The following GALNT12 variants were observed in gnomAD, a reference collection of about 807,000 sequenced individuals.
GALNT12 encodes UDP-GalNAc:polypeptide N-acetylgalactosaminyltransferase 12.
In GALNT12, 45 loss-of-function variants were observed where a neutral mutation model predicts 55.5. The observed-to-expected ratio is 0.81, with a 90% CI of 0.64 to 1.04. The LOEUF (loss-of-function observed/expected upper bound fraction) is 1.04. Among genes scored for constraint, GALNT12 ranks in the 50% least tolerant of loss-of-function variants. GALNT12 has a pLI of 0.00. For missense variants in GALNT12, 709 were observed against 754.8 expected, an observed-to-expected ratio of 0.94 and a Z score of 0.71; for synonymous variants, 304 against 312.2, an observed-to-expected ratio of 0.97 and a Z score of 0.28.
At chr9:98,844,268 T>C (rs1836363578) in intron 8 of GALNT12, 59 bp downstream of exon 8, 2 of 1,123,448 alleles carry the variant, frequency 1.8e-6, no homozygotes, top group South Asian at 1.3e-5. Context: ...AATTAAATAG[T>C]TGAATTTTTT....
At chr9:98,824,273 A>T (rs1425962048) in intron 2 of GALNT12, among the ~76,000 whole-genome samples, 3 of 152,062 alleles carry the variant, frequency 2.0e-5, no homozygotes, top group African/African-American at 7.2e-5. Flanking sequence ...TCCTTGGTGG[A>T]TGGGGCCTCA....
chr9:98,817,325 C>T (rs1239040628), intron 1 of GALNT12, among the ~76,000 whole-genome samples: 2 of 152,190 alleles, frequency 1.3e-5, no homozygotes, highest in Non-Finnish European at 2.9e-5. Context: ...TCTAGCTTTT[C>T]TATGCATCTT....
intron 1 of GALNT12, among the ~76,000 whole-genome samples, chr9:98,811,817 G>C (rs917555468): frequency 2.6e-5 from 4 of 151,822 alleles, no homozygotes; most frequent in Admixed American, 1.3e-4. Flanking sequence ...CGAGTAGCTG[G>C]GATTATAGGC....
At chr9:98,820,299 A>G (rs1835707873) in intron 1 of GALNT12, among the ~76,000 whole-genome samples, 1 of 151,920 alleles carries the variant, frequency 6.6e-6, no homozygotes, top group Non-Finnish European at 1.5e-5. Flanking sequence ...CCATGTGTCC[A>G]TGTGTTCTCA....
At chr9:98,810,496 C>A (rs376275803) in intron 1 of GALNT12, among the ~76,000 whole-genome samples, 5 of 152,174 alleles carry the variant, frequency 3.3e-5, no homozygotes, top group Non-Finnish European at 7.4e-5. Context: ...AAATGAAAAT[C>A]CCCAATAAAC....
At position 98,829,884 on chromosome 9, in the gene GALNT12, C is replaced by T. The variant is rs182869806; in HGVS notation, c.732-1888C>T. On this transcript the variant is annotated intron_variant, in intron 3 of 9. Coordinates refer to ENST00000375011, the MANE Select transcript of GALNT12 (RefSeq NM_024642.5). Reference sequence around the variant, plus strand: ...TTATCCATTCATCTGTTGATGGACACTTCGGTTGCTTCCCAATCTTGGTTA... The same window carrying T: ...TTATCCATTCATCTGTTGATGGACATTTCGGTTGCTTCCCAATCTTGGTTA... 1.5e-3 allele frequency among the ~76,000 whole-genome samples: 232 copies of T among 152,302 alleles called. 1 individual carries two copies. Among genetic ancestry groups the T allele is most frequent in the African/African-American group, 5.2e-3 (217 of 41,560 alleles).
At chr9:98,848,804 C>T in intron 9 of GALNT12, 148 bp from the exon 10 acceptor site, 3 of 910,928 alleles carry the variant, frequency 3.3e-6, no homozygotes, top group Non-Finnish European at 5.1e-6. Flanking sequence ...CCGGGACAGT[C>T]CTGAGTTGCT....
intron 2 of GALNT12, among the ~76,000 whole-genome samples, chr9:98,823,764 C>T (rs985354327): frequency 6.6e-6 from 1 of 152,186 alleles, no homozygotes; most frequent in Non-Finnish European, 1.5e-5. Flanking sequence ...TGATGGGGAG[C>T]TTTGCAGACA....
intron 1 of GALNT12, among the ~76,000 whole-genome samples, chr9:98,814,565 C>A (rs1241311391): frequency 6.6e-6 from 1 of 151,848 alleles, no homozygotes; most frequent in Non-Finnish European, 1.5e-5. Flanking sequence ...CAAAAATTAG[C>A]CAGGCATGGT....
chr9:98,819,239 G>T (rs1213410714), intron 1 of GALNT12, among the ~76,000 whole-genome samples: 3 of 152,214 alleles, frequency 2.0e-5, no homozygotes, highest in African/African-American at 7.2e-5. Context: ...CTCTGTCTAA[G>T]AGATGGAGCC....
chr9:98,839,928 G>A lies in GALNT12; in HGVS notation c.1213-74G>A. The stretch of plus-strand genomic sequence containing the variant: ...AAGCTGGCTGGTGGTTAGTAAGTGA[G>A]CATCAGTGAACACAGGGGCTTTGAA... On this transcript the variant is annotated intron_variant, in intron 6 of 9. Transcript: ENST00000375011. 4 of 1,585,324 alleles carry A rather than the reference G, an allele frequency of 2.5e-6. No individual in the cohort carries two copies. In the South Asian group the frequency reaches 4.4e-5, roughly 18 times the overall value.
chr9:98,828,011 C>T (rs141507106), intron 3 of GALNT12, among the ~76,000 whole-genome samples: 184 of 152,294 alleles, frequency 1.2e-3, no homozygotes, highest in Middle Eastern at 0.01. Flanking sequence ...CTTTCTGTTT[C>T]TGCATCATAG....
At chr9:98,834,103 G>C (rs559069292) in intron 4 of GALNT12, among the ~76,000 whole-genome samples, 1 of 151,726 alleles carries the variant, frequency 6.6e-6, no homozygotes, top group Non-Finnish European at 1.5e-5. Context: ...CAGTGGTTGC[G>C]CTCTCAATGT....
At chr9:98,845,938 G>A (rs1455689573) in intron 8 of GALNT12, 39 bp from the exon 9 acceptor site, 1 of 1,610,472 alleles carries the variant, frequency 6.2e-7, no homozygotes, top group Non-Finnish European at 8.5e-7. Context: ...CCACATCAGT[G>A]GAAAATGTTG....
At chr9:98,844,458 C>T (rs1836367563) in intron 8 of GALNT12, 3 of 483,678 alleles carry the variant, frequency 6.2e-6, no homozygotes, top group Non-Finnish European at 1.1e-5. Context: ...TCCATTATTT[C>T]CATTCCCTTC....
chr9:98,833,171 T>C (rs114613709), intron 4 of GALNT12, among the ~76,000 whole-genome samples: 1,632 of 152,224 alleles, frequency 0.011, 26 homozygotes, highest in African/African-American at 0.038. Context: ...TAGCCTGGCT[T>C]CTTCCTCCCC....
At chr9:98,839,348 A>C (rs976009891) in intron 6 of GALNT12, among the ~76,000 whole-genome samples, 2 of 152,234 alleles carry the variant, frequency 1.3e-5, no homozygotes, top group Non-Finnish European at 2.9e-5. Flanking sequence ...GTTTAACATG[A>C]CAGTGCAGGT....
In GALNT12 at chr9:98,846,023, AGC is replaced by A. The variant is rs765816109; in HGVS notation, c.1506_1507del (p.Gln502HisfsTer2). 5 of 1,614,176 alleles carry A rather than the reference AGC, an allele frequency of 3.1e-6. No individual in the cohort carries two copies. Among genetic ancestry groups the A allele is most frequent in the Non-Finnish European group, 4.2e-6 (5 of 1,180,026 alleles). ...AAAGAAATACGCTATAACACCCACC[AGC>A]CTGAGGGCTGCATTGCTGTGGAAGC... On this transcript the variant is annotated frameshift_variant, in exon 9 of 10. Transcript: ENST00000375011. LOFTEE classifies it high-confidence loss of function.
intron 1 of GALNT12, among the ~76,000 whole-genome samples, chr9:98,817,740 G>A (rs992081441): frequency 2.6e-5 from 4 of 152,164 alleles, no homozygotes; most frequent in African/African-American, 7.2e-5. Context: ...GAGATTACAG[G>A]CATGAGCCAC....
Sources: gnomAD v4.1 joint callset for allele counts (sites outside exome capture counted in the v4.1 genomes callset) on GRCh38, gnomAD v4.1.1 for gene constraint, MANE v1.5 for transcripts, NCBI Gene and HGNC (gene_info 2026-07-23, HGNC 2026-07-21) for gene names.